The following TPTE2 variants were observed in gnomAD, a reference collection of about 807,000 sequenced individuals.
TPTE2 encodes transmembrane phosphoinositide 3-phosphatase and tensin homolog 2.
Under a neutral mutation model 78.6 loss-of-function variants are expected in TPTE2, and 53 were observed. The observed-to-expected ratio is 0.67, with a 90% CI of 0.54 to 0.85. The LOEUF is 0.85. TPTE2 is among the 40% of genes least tolerant of loss of function. The probability of loss-of-function intolerance (pLI) is 0.00; values close to 1 mark genes in which losing one functional copy is unlikely to be tolerated. For missense variants in TPTE2, 461 were observed against 623.0 expected, an observed-to-expected ratio of 0.74 and a Z score of 2.77; for synonymous variants, 175 against 206.2, an observed-to-expected ratio of 0.85 and a Z score of 1.30.
rs995169463 is a variant in TPTE2 at position 19,492,912 on chromosome 13, T to C, written c.66-9A>G. On this transcript the variant is annotated splice_polypyrimidine_tract_variant and intron_variant, in intron 2 of 19. Transcript: ENST00000400230. ...ATTCACTTGTGTGTGGGCTAGAGGA[T>C]GATAAAAGAATACAGTCAGATAGGA... is the stretch of plus-strand genomic sequence containing the variant. 1.9e-6 allele frequency: 3 copies of C among 1,613,978 alleles called. No homozygotes were observed. In the East Asian group the frequency reaches 6.7e-5, roughly 36 times the overall value.
chr13:19,523,631 A>G (rs1469291952), intron 1 of TPTE2, among the ~76,000 whole-genome samples: 2 of 152,086 alleles, frequency 1.3e-5, no homozygotes, highest in Non-Finnish European at 2.9e-5. Context: ...GCATGCCACC[A>G]TGCCCAGCTA....
upstream of TPTE2, among the ~76,000 whole-genome samples, chr13:19,504,551 G>C (rs1237343884): frequency 6.6e-6 from 1 of 152,032 alleles, no homozygotes; most frequent in Non-Finnish European, 1.5e-5. Flanking sequence ...TTGTTGCTCT[G>C]CATAGGGTTT....
chr13:19,545,223 A>G, the TPTE2 span, among the ~76,000 whole-genome samples: 2 of 152,184 alleles, frequency 1.3e-5, no homozygotes, highest in African/African-American at 4.8e-5. Flanking sequence ...ACAAGAAACA[A>G]AAAGGCTTCA....
At chr13:19,548,291 A>C in the TPTE2 span, among the ~76,000 whole-genome samples, 3 of 151,308 alleles carry the variant, frequency 2.0e-5, no homozygotes, top group African/African-American at 7.3e-5. Flanking sequence ...CAGTACTTTA[A>C]GGCTCTTGTT....
intron 6 of TPTE2, among the ~76,000 whole-genome samples, chr13:19,469,453 A>G (rs1879477341): frequency 6.6e-6 from 1 of 152,158 alleles, no homozygotes; most frequent in Non-Finnish European, 1.5e-5. Flanking sequence ...GAAGTCAGGT[A>G]ATGTGATTCC....
intron 2 of TPTE2, 96 bp from the exon 6 acceptor site, chr13:19,492,999 T>C: frequency 2.0e-6 from 3 of 1,520,204 alleles, no homozygotes; most frequent in East Asian, 2.3e-5. Flanking sequence ...CAGAAACCAA[T>C]TAATTTCTGT....
chr13:19,502,778 C>T (rs1868702360), intron 1 of TPTE2, among the ~76,000 whole-genome samples: 1 of 151,256 alleles, frequency 6.6e-6, no homozygotes, highest in Non-Finnish European at 1.5e-5. Context: ...TGCACATGTA[C>T]CCTAAAACTT....
At chr13:19,465,548 G>T (rs538397448) in exon 8 of TPTE2, 2 of 1,592,650 alleles carry the variant, frequency 1.3e-6, no homozygotes, top group South Asian at 2.3e-5. Flanking sequence ...CGTAGAAGTC[G>T]AACTAAATGT....
intron 10 of TPTE2, among the ~76,000 whole-genome samples, chr13:19,452,734 C>A (rs533052446): frequency 6.6e-6 from 1 of 152,040 alleles, no homozygotes; most frequent in South Asian, 2.1e-4. Context: ...CAATTGCTCT[C>A]GGAATTGGCA....
chr13:19,536,210 A>G (rs1038707363), intron 1 of TPTE2, among the ~76,000 whole-genome samples: 2 of 152,134 alleles, frequency 1.3e-5, no homozygotes, highest in Non-Finnish European at 2.9e-5. Context: ...AGACTCTACT[A>G]ATGACGAGGC....
chr13:19,520,052 T>C (rs1233401342), intron 1 of TPTE2, among the ~76,000 whole-genome samples: 3 of 152,158 alleles, frequency 2.0e-5, no homozygotes, highest in Non-Finnish European at 4.4e-5. Flanking sequence ...TACTCATTGC[T>C]AATGTTTCTA....
chr13:19,438,585 A>G (rs1011549054), intron 13 of TPTE2: 1 of 238,248 alleles, frequency 4.2e-6, no homozygotes, highest in African/African-American at 2.3e-5. Context: ...AGATTTAAAA[A>G]TATACATATA....
rs1377773205 is a variant in TPTE2, at chr13:19,468,016, A to G, written c.393-672T>C. Among the ~76,000 whole-genome samples, 4 of 139,938 alleles carry G rather than the reference A, an allele frequency of 2.9e-5. No homozygotes were observed. In the East Asian group the frequency reaches 8.4e-4, roughly 29 times the overall value. 91.8% of individuals were successfully genotyped at this position (139,938 alleles called of 152,430 possible). On this transcript the variant is annotated intron_variant, in intron 6 of 19. Coordinates refer to ENST00000400230, the Ensembl canonical transcript of TPTE2. ...AGTTCCATCCATGTTGTTCCAAATGACAGGATCTCTTTTTTTTTTTTTTTT... is the reference window on the plus strand; with the variant it reads ...AGTTCCATCCATGTTGTTCCAAATGGCAGGATCTCTTTTTTTTTTTTTTTT...
chr13:19,530,984 T>C (rs1870835553), intron 1 of TPTE2, among the ~76,000 whole-genome samples: 1 of 152,198 alleles, frequency 6.6e-6, no homozygotes, highest in African/African-American at 2.4e-5. Context: ...ACAGAAAGTC[T>C]ATACCCATTA....
At chr13:19,521,390 T>C (rs946970106) in intron 1 of TPTE2, among the ~76,000 whole-genome samples, 104 of 152,090 alleles carry the variant, frequency 6.8e-4, no homozygotes, top group Non-Finnish European at 2.9e-5. Flanking sequence ...TCCATCTCTT[T>C]ATTTAGTTAG....
intron 1 of TPTE2, among the ~76,000 whole-genome samples, chr13:19,521,844 A>AC (rs1197119669): frequency 6.6e-6 from 1 of 152,008 alleles, no homozygotes; most frequent in African/African-American, 2.4e-5. Context: ...ATGTTCATCA[A>AC]CCCATTTATG....
intron 3 of TPTE2, among the ~76,000 whole-genome samples, chr13:19,491,779 C>T (rs1881003124): frequency 2.6e-5 from 4 of 152,102 alleles, no homozygotes; most frequent in South Asian, 2.1e-4. Context: ...GAGCCGAGAT[C>T]GCGCCACTGC....
chr13:19,431,315 A>T (rs1876585123), intron 16 of TPTE2, among the ~76,000 whole-genome samples: 1 of 152,122 alleles, frequency 6.6e-6, no homozygotes, highest in African/African-American at 2.4e-5. Flanking sequence ...AATATAGGAT[A>T]GTTATATCCA....
chr13:19,466,841 T>C (rs1879296218), intron 7 of TPTE2, among the ~76,000 whole-genome samples: 1 of 152,242 alleles, frequency 6.6e-6, no homozygotes, highest in Non-Finnish European at 1.5e-5. Flanking sequence ...ATAAGTTTTT[T>C]TGATATAGCA....
Sources: gnomAD v4.1 joint callset for allele counts (sites outside exome capture counted in the v4.1 genomes callset) on GRCh38, gnomAD v4.1.1 for gene constraint, MANE v1.5 for transcripts, NCBI Gene and HGNC (gene_info 2026-07-23, HGNC 2026-07-21) for gene names.